GLP1R: variants seen among roughly 807,000 people sequenced by gnomAD.
The protein encoded by GLP1R is glucagon like peptide 1 receptor, also known as glucagon-like peptide 1 receptor.
A neutral mutation model predicts 68.4 loss-of-function variants in GLP1R; 32 were observed. That is an observed-to-expected ratio of 0.47 (90% CI 0.35 to 0.63). The LOEUF is 0.63. Ranked by LOEUF, GLP1R falls within the 20% of genes least tolerant of loss-of-function variation. The pLI is 0.00. For synonymous variants in GLP1R, 263 were observed against 244.4 expected (o/e 1.08, Z -0.71); for missense variants, 502 against 594.9 (o/e 0.84, Z 1.62).
chr6:39,068,663 G>A (rs558632964), intron 5 of GLP1R, among the ~76,000 whole-genome samples: 4 of 152,284 alleles, frequency 2.6e-5, no homozygotes, highest in Admixed American at 1.3e-4. Flanking sequence ...CCAGAGGGAC[G>A]GCCTGAGTTA....
At chr6:39,075,482 A>G (rs908941166) in intron 7 of GLP1R, among the ~76,000 whole-genome samples, 1 of 152,144 alleles carries the variant, frequency 6.6e-6, no homozygotes, top group African/African-American at 2.4e-5. Flanking sequence ...GTGGGGACAC[A>G]CTGCCCTAGA....
At position 39,079,002 on chromosome 6, in the gene GLP1R, G is replaced by A; in HGVS notation, c.930G>A (p.Arg310=). 16 of 1,614,060 alleles carry A rather than the reference G, an allele frequency of 9.9e-6. No individual in the cohort carries two copies. Among genetic ancestry groups the A allele is most frequent in the African/African-American group, 1.3e-5 (1 of 75,038 alleles). ...NSNMNYWLII[R]LPILFAIGVN... is the part of the protein sequence containing the mutation. ...ACATGAACTACTGGCTCATTATCCG[G>A]CTGCCCATTCTCTTTGCCATTGGGG... Residue 310 remains arginine (R), a synonymous_variant, in exon 9 of 13, where the codon CGG becomes CGA. Transcript: ENST00000373256. This position sits in a 1 kb window ranked among gnomAD's most constrained non-coding sequence, Gnocchi z 4.5.
intron 12 of GLP1R, among the ~76,000 whole-genome samples, chr6:39,083,326 G>A (rs1489471976): frequency 6.6e-6 from 1 of 152,222 alleles, no homozygotes; most frequent in Non-Finnish European, 1.5e-5. Flanking sequence ...TTGTCACTGG[G>A]CCACAAAAGA....
Position 39,073,719 on chromosome 6 carries a change from C to T in GLP1R, c.773C>T (p.Ser258Leu), listed in dbSNP as rs749764829. Residue 258 changes from serine to leucine, a missense_variant, in exon 7 of 13, where the codon TCG becomes TTG. By Grantham distance (145) the Ser-to-Leu change is moderately radical. Coordinates refer to ENST00000373256, the MANE Select transcript of GLP1R (RefSeq NM_002062.5). ...GVYLYTLLAF[S>L]VLSEQWIFRL... ...TACCTGTACACACTGCTGGCCTTCT[C>T]GGTCTTATCTGAGCAATGGATCTTC... is the stretch of plus-strand genomic sequence containing the variant. The T allele has an allele frequency of 3.7e-6, 6 of 1,613,982 alleles. No homozygotes were observed. Among genetic ancestry groups the T allele is most frequent in the South Asian group, 1.1e-5 (1 of 91,076 alleles).
rs539103973 is a variant in GLP1R at position 39,079,857 on chromosome 6, A to G, written c.1182+155A>G. Reference sequence around the variant, plus strand: ...ACCTAGTTGGAGCAGAGCCAGAACTAGTATCCCCAGGTGTCCCAATACCTG... The same window carrying G: ...ACCTAGTTGGAGCAGAGCCAGAACTGGTATCCCCAGGTGTCCCAATACCTG... On this transcript the variant is annotated intron_variant, in intron 11 of 12. Transcript: ENST00000373256. This position sits in a 1 kb window ranked among gnomAD's most constrained non-coding sequence, Gnocchi z 4.5. Among the ~76,000 whole-genome samples the G allele has an allele frequency of 5.3e-5, 8 of 152,262 alleles. No homozygotes were observed. In the East Asian group the frequency reaches 1.4e-3, roughly 26 times the overall value.
chr6:39,076,685 C>A (rs1352673825), intron 7 of GLP1R, among the ~76,000 whole-genome samples: 1 of 152,116 alleles, frequency 6.6e-6, no homozygotes, highest in Non-Finnish European at 1.5e-5. Context: ...CCCACCACAC[C>A]CTCACACACA....
Position 39,086,241 on chromosome 6 carries a change from G to A in GLP1R, c.*168G>A, listed in dbSNP as rs202131331. ...TTTCCCTCCCCAAACCCATCAGACA[G>A]GTAAATGGGCAGTGCCTCCTGGGAC... On this transcript the variant is annotated 3_prime_UTR_variant, in exon 13 of 13. Transcript: ENST00000373256. This position sits in a 1 kb window ranked among gnomAD's most constrained non-coding sequence, Gnocchi z 4.5. 1.7e-6 allele frequency: 1 copy of A among 586,838 alleles called. No homozygotes were observed. The highest frequency in any genetic ancestry group is 3.0e-6 in the Non-Finnish European group (1 of 338,594). The allele number at this position is 586,838 out of a possible 1,614,324, so 36.4% of individuals were successfully genotyped here.
Position 39,066,230 on chromosome 6 carries a change from A to G in GLP1R, c.436A>G (p.Ile146Val). 1.2e-6 allele frequency: 2 copies of G among 1,611,410 alleles called. No individual in the cohort carries two copies. Among genetic ancestry groups the G allele is most frequent in the South Asian group, 2.2e-5 (2 of 90,876 alleles). Reference sequence around the variant, plus strand: ...GGAGGAGCAGCTCCTGTTCCTCTACATCATCTACACGGTGGGCTACGCACT... The same window carrying G: ...GGAGGAGCAGCTCCTGTTCCTCTACGTCATCTACACGGTGGGCTACGCACT... ...SPEEQLLFLYIIYTVGYALSF... is the reference protein window; with the variant it reads ...SPEEQLLFLYVIYTVGYALSF... Residue 146 changes from isoleucine to valine, a missense_variant, in exon 5 of 13, where the codon ATC becomes GTC. Physicochemically the swap from Ile to Val is conservative, Grantham distance 29 (BLOSUM62 3). Transcript: ENST00000373256.
intron 3 of GLP1R, among the ~76,000 whole-genome samples, chr6:39,062,372 G>A (rs140478685): frequency 1.2e-4 from 18 of 152,354 alleles, no homozygotes; most frequent in Middle Eastern, 3.4e-3. Flanking sequence ...TCCAGCCAAG[G>A]TGGGCATCTG....
intron 3 of GLP1R, among the ~76,000 whole-genome samples, chr6:39,063,961 A>ACC (rs1554169545): frequency 3.3e-4 from 35 of 104,932 alleles, no homozygotes; most frequent in East Asian, 1.2e-3. Context: ...ACACACACAC[A>ACC]CCCCACATTA....
rs1369871436 is a variant in GLP1R at position 39,089,209 on chromosome 6, C to G, written c.*3136C>G. On this transcript the variant is annotated 3_prime_UTR_variant, in exon 13 of 13. Coordinates refer to ENST00000373256, the MANE Select transcript of GLP1R (RefSeq NM_002062.5). The surrounding 1 kb of genome is among the most constrained non-coding windows in gnomAD (Gnocchi z 4.1). ...ACTTAAGAAATGAAATGCATCAGGG[C>G]ACACATATACATAGAAACAGCACAT... 6.6e-6 allele frequency among the ~76,000 whole-genome samples: 1 copy of G among 152,192 alleles called. No homozygotes were observed. Among genetic ancestry groups the G allele is most frequent in the Non-Finnish European group, 1.5e-5 (1 of 68,050 alleles).
At chr6:39,078,145 C>T (rs1325642692) in intron 7 of GLP1R, among the ~76,000 whole-genome samples, 177 bp from the exon 8 acceptor site, 1 of 152,132 alleles carries the variant, frequency 6.6e-6, no homozygotes, top group Non-Finnish European at 1.5e-5. Flanking sequence ...CCGCATGGGG[C>T]TCCTGCTGCC....
intron 12 of GLP1R, among the ~76,000 whole-genome samples, chr6:39,081,161 T>C (rs1220177948): frequency 1.3e-5 from 2 of 152,106 alleles, no homozygotes; most frequent in African/African-American, 2.4e-5. Flanking sequence ...CTGCTAAAAT[T>C]CTTATTTCAT....
At chr6:39,069,531 G>A (rs1389643718) in intron 5 of GLP1R, among the ~76,000 whole-genome samples, 1 of 150,814 alleles carries the variant, frequency 6.6e-6, no homozygotes, top group Non-Finnish European at 1.5e-5. Flanking sequence ...TACTCGGGAG[G>A]CTGAGGCAGG....
At chr6:39,060,341 C>T (rs1406309105) in intron 3 of GLP1R, among the ~76,000 whole-genome samples, 1 of 152,204 alleles carries the variant, frequency 6.6e-6, no homozygotes, top group Non-Finnish European at 1.5e-5. Flanking sequence ...TGGCAGAAAA[C>T]ATGCTCAGTT....
At chr6:39,062,911 A>C (rs1768386259) in intron 3 of GLP1R, among the ~76,000 whole-genome samples, 1 of 152,230 alleles carries the variant, frequency 6.6e-6, no homozygotes, top group Non-Finnish European at 1.5e-5. Context: ...TAGGTGTTCA[A>C]AAACTGATTC....
chr6:39,055,206 T>C (rs1484922609), intron 1 of GLP1R, among the ~76,000 whole-genome samples: 2 of 152,210 alleles, frequency 1.3e-5, no homozygotes, highest in African/African-American at 2.4e-5. Context: ...CCCAGCACGC[T>C]ACAAGGCAAG....
At chr6:39,054,224 C>T (rs112904556) in intron 1 of GLP1R, among the ~76,000 whole-genome samples, 94 of 152,244 alleles carry the variant, frequency 6.2e-4, no homozygotes, top group African/African-American at 1.8e-3. Context: ...CTCCTGCAGT[C>T]ACCTTTATAC....
At chr6:39,085,758 A>G in intron 12 of GLP1R, 148 bp from the exon 13 acceptor site, 1 of 727,166 alleles carries the variant, frequency 1.4e-6, no homozygotes, top group South Asian at 1.8e-5. Context: ...TTATTGGGAT[A>G]TTAATTTAGG....
Sources: allele counts gnomAD v4.1 joint callset (sites outside exome capture counted in the v4.1 genomes callset), GRCh38; gene constraint gnomAD v4.1.1; non-coding constraint Gnocchi (gnomAD v3.1); transcripts MANE v1.5; gene names NCBI Gene and HGNC (gene_info 2026-07-23, HGNC 2026-07-21).